The following GALNT17 variants were observed in gnomAD, a reference collection of about 807,000 sequenced individuals.
The protein encoded by GALNT17 is polypeptide N-acetylgalactosaminyltransferase 17, also known as UDP-GalNAc:polypeptide N-acetylgalactosaminyltransferase-like 3.
Under a neutral mutation model 63.7 loss-of-function variants are expected in GALNT17, and 29 were observed. The observed-to-expected ratio is 0.46, with a 90% CI of 0.34 to 0.62. The LOEUF is 0.62. Among genes scored for constraint, GALNT17 ranks in the 20% least tolerant of loss-of-function variants. The pLI is 0.01. For synonymous variants in GALNT17, 305 were observed against 318.3 expected (o/e 0.96, Z 0.45); for missense variants, 603 against 799.6 (o/e 0.75, Z 2.97).
intron 1 of GALNT17, among the ~76,000 whole-genome samples, chr7:71,165,554 T>A (rs1190675742): frequency 8.5e-5 from 13 of 152,078 alleles, no homozygotes. Context: ...GTCACGACAA[T>A]AGCACCGGAA....
intron 9 of GALNT17, among the ~76,000 whole-genome samples, chr7:71,698,532 T>C (rs1791578651): frequency 6.6e-6 from 1 of 152,142 alleles, no homozygotes; most frequent in Non-Finnish European, 1.5e-5. Flanking sequence ...TTTTATAAAA[T>C]TAGATTTTGC....
At chr7:71,629,799 T>C (rs563145277) in intron 6 of GALNT17, among the ~76,000 whole-genome samples, 1 of 152,168 alleles carries the variant, frequency 6.6e-6, no homozygotes, top group African/African-American at 2.4e-5. Context: ...TTTTAAACTT[T>C]TTTATAGAGA....
intron 9 of GALNT17, among the ~76,000 whole-genome samples, chr7:71,701,867 ATAC>A: frequency 1.6e-5 from 1 of 62,306 alleles, no homozygotes; most frequent in African/African-American, 4.7e-5. Flanking sequence ...ACATATATAT[ATAC>A]ATATATATAT....
At chr7:71,555,897 C>T (rs983408964) in intron 5 of GALNT17, among the ~76,000 whole-genome samples, 3 of 152,190 alleles carry the variant, frequency 2.0e-5, no homozygotes, top group African/African-American at 7.2e-5. Context: ...CGCTTGAAAT[C>T]CGGGCTTAGG....
intron 5 of GALNT17, among the ~76,000 whole-genome samples, chr7:71,490,067 C>T (rs902823072): frequency 6.6e-6 from 1 of 151,790 alleles, no homozygotes; most frequent in Admixed American, 6.6e-5. Flanking sequence ...ACCAGCCTGG[C>T]CAACATGGTG....
chr7:71,269,890 CAA>C (rs1790555362), intron 1 of GALNT17, among the ~76,000 whole-genome samples: 6 of 152,252 alleles, frequency 3.9e-5, no homozygotes, highest in Middle Eastern at 3.4e-3. Flanking sequence ...TAAAACCTAA[CAA>C]GAGCACAAAG....
intron 5 of GALNT17, among the ~76,000 whole-genome samples, chr7:71,511,682 C>G (rs540844829): frequency 2.9e-4 from 44 of 152,284 alleles, no homozygotes; most frequent in Admixed American, 9.8e-4. Context: ...TTCCTGCCAT[C>G]TACTGGAAAA....
chr7:71,397,606 G>T (rs544844962), intron 3 of GALNT17, among the ~76,000 whole-genome samples: 1 of 152,168 alleles, frequency 6.6e-6, no homozygotes, highest in Non-Finnish European at 1.5e-5. Flanking sequence ...GACAACTCTC[G>T]CTGCATCTAT....
intron 9 of GALNT17, among the ~76,000 whole-genome samples, chr7:71,701,843 G>GTATATATATA (rs748494176): frequency 3.5e-5 from 1 of 28,664 alleles, no homozygotes; most frequent in African/African-American, 7.7e-5. Context: ...ATATATATGT[G>GTATATATATA]TATATATATA....
rs563118364 is a variant in GALNT17 at position 71,459,772 on chromosome 7, G to C, written c.962+38667G>C. Among the ~76,000 whole-genome samples, 6 of 152,266 alleles carry C rather than the reference G, an allele frequency of 3.9e-5. No individual in the cohort carries two copies. In the East Asian group the frequency reaches 1.2e-3, roughly 29 times the overall value. ...CTCTAGGCCCTCCCTATCCTGAAGA[G>C]ATTACCTGACAGTCTAGCACCTTTT... On this transcript the variant is annotated intron_variant, in intron 5 of 10. Transcript: ENST00000333538.
chr7:71,422,408 T>A (rs558908299), intron 5 of GALNT17, among the ~76,000 whole-genome samples: 5 of 152,230 alleles, frequency 3.3e-5, no homozygotes, highest in Admixed American at 6.5e-5. Context: ...TAACAACATC[T>A]GCAAAGTTCT....
At chr7:71,526,234 C>T (rs1788622301) in intron 5 of GALNT17, among the ~76,000 whole-genome samples, 1 of 152,098 alleles carries the variant, frequency 6.6e-6, no homozygotes. Flanking sequence ...GATGTGACTG[C>T]CGCTTACGCA....
intron 2 of GALNT17, among the ~76,000 whole-genome samples, chr7:71,348,849 G>C (rs1330567302): frequency 1.3e-5 from 2 of 152,140 alleles, no homozygotes; most frequent in Non-Finnish European, 2.9e-5. Flanking sequence ...TGTGTTTCTA[G>C]GGGATTATCC....
chr7:71,635,164 G>A (rs1055190655), intron 6 of GALNT17, among the ~76,000 whole-genome samples: 1 of 142,566 alleles, frequency 7.0e-6, no homozygotes, highest in Non-Finnish European at 1.5e-5. Flanking sequence ...CCGAGATCTC[G>A]CTACTGCACT....
intron 2 of GALNT17, 46 bp downstream of exon 2, chr7:71,335,779 G>A (rs376491287): frequency 6.5e-6 from 10 of 1,526,980 alleles, no homozygotes; most frequent in Admixed American, 1.9e-5. Flanking sequence ...GGTCGTCAGA[G>A]TGGGTGTAGA....
intron 5 of GALNT17, among the ~76,000 whole-genome samples, chr7:71,484,457 C>T (rs1410395669): frequency 6.6e-6 from 1 of 152,078 alleles, no homozygotes; most frequent in East Asian, 1.9e-4. Context: ...TACTGCACTC[C>T]AGTCTGGGTG....
chr7:71,646,282 G>T (rs555504066), intron 6 of GALNT17, among the ~76,000 whole-genome samples: 2 of 152,262 alleles, frequency 1.3e-5, no homozygotes, highest in South Asian at 2.1e-4. Flanking sequence ...TATGCAAAAA[G>T]AAAAGGATGG....
chr7:71,237,107 A>G (rs1789906924), intron 1 of GALNT17, among the ~76,000 whole-genome samples: 1 of 152,144 alleles, frequency 6.6e-6, no homozygotes, highest in South Asian at 2.1e-4. Flanking sequence ...GTCAAAAACC[A>G]CGGGAGTGGA....
chr7:71,526,754 T>C (rs1788631548), intron 5 of GALNT17, among the ~76,000 whole-genome samples: 1 of 152,108 alleles, frequency 6.6e-6, no homozygotes, highest in Non-Finnish European at 1.5e-5. Context: ...GCCTGTGTGA[T>C]CCACCTGCCT....
Sources: gnomAD v4.1 joint callset for allele counts (sites outside exome capture counted in the v4.1 genomes callset) on GRCh38, gnomAD v4.1.1 for gene constraint, MANE v1.5 for transcripts, NCBI Gene and HGNC (gene_info 2026-07-23, HGNC 2026-07-21) for gene names.